Variants in LRP1B observed in about 807,000 individuals in gnomAD.
LRP1B encodes LDL receptor related protein 1B.
Under a neutral mutation model 556.6 loss-of-function variants are expected in LRP1B, and 217 were observed. That is an observed-to-expected ratio of 0.39 (90% confidence interval 0.35 to 0.44). The LOEUF (loss-of-function observed/expected upper bound fraction) is 0.44, where lower values mean the gene tolerates loss of function less well. Ranked by LOEUF, LRP1B falls within the 20% of genes least tolerant of loss-of-function variation. The probability of loss-of-function intolerance (pLI) is 1.00; values close to 1 mark genes in which losing one functional copy is unlikely to be tolerated. For synonymous variants in LRP1B, 2,047 were observed against 1,865.8 expected, an observed-to-expected ratio of 1.10 and a Z score of -2.50; for missense variants, 5,053 against 5,620.8, an observed-to-expected ratio of 0.90 and a Z score of 3.23.
intron 86 of LRP1B, among the ~76,000 whole-genome samples, chr2:140,261,392 G>C (rs1056706263): frequency 1.3e-5 from 2 of 151,854 alleles, no homozygotes; most frequent in Admixed American, 1.3e-4. Context: ...CAAAGAGACA[G>C]TGAGCTTGAA....
At chr2:141,695,238 A>G (rs1691694277) in intron 2 of LRP1B, among the ~76,000 whole-genome samples, 1 of 151,990 alleles carries the variant, frequency 6.6e-6, no homozygotes, top group Non-Finnish European at 1.5e-5. Context: ...GGTGCATAAT[A>G]TATACAAGGC....
At chr2:140,697,981 A>T (rs754401275) in intron 41 of LRP1B, among the ~76,000 whole-genome samples, 8 of 152,094 alleles carry the variant, frequency 5.3e-5, no homozygotes, top group Non-Finnish European at 1.2e-4. Flanking sequence ...TTTAAAAATT[A>T]TAATGAAATA....
chr2:141,214,841 C>T (rs1284613976), intron 6 of LRP1B, among the ~76,000 whole-genome samples: 2 of 152,172 alleles, frequency 1.3e-5, no homozygotes, highest in African/African-American at 2.4e-5. Context: ...TACACTTTAT[C>T]CAGACACAGA....
rs571737878 is a variant in LRP1B, at chr2:140,267,372, C to A, written c.13247+2870G>T. ...TGGTTCCAAGACTTTCCTAGGATAC[C>A]AAAATCCTTAGATGCTCAAGTCCCA... On this transcript the variant is annotated intron_variant, in intron 86 of 90. Transcript: ENST00000389484. 3.8e-3 allele frequency among the ~76,000 whole-genome samples: 583 copies of A among 151,964 alleles called. 3 individuals are homozygous for A. The highest frequency in any genetic ancestry group is 4.3e-3 in the Non-Finnish European group (295 of 67,924).
At chr2:140,726,477 C>T (rs1262954534) in intron 35 of LRP1B, among the ~76,000 whole-genome samples, 1 of 152,132 alleles carries the variant, frequency 6.6e-6, no homozygotes, top group African/African-American at 2.4e-5. Flanking sequence ...TGATTCTCCT[C>T]CACTCCCGAT....
Position 141,802,449 on chromosome 2 carries a change from AAAAC to A in LRP1B, c.205+7826_205+7829del, listed in dbSNP as rs751889535. Among the ~76,000 whole-genome samples, 74 of 152,208 alleles carry A rather than the reference AAAAC, an allele frequency of 4.9e-4. 1 individual carries two copies. The highest frequency in any genetic ancestry group is 1.0e-3 in the South Asian group (5 of 4,828). ...AAGCTAATGTTATGAAGTTTTTAGA[AAAAC>A]AAACAAACAAACAAACAAACAAAAC... is the stretch of plus-strand genomic sequence containing the variant. On this transcript the variant is annotated intron_variant, in intron 2 of 90. Coordinates refer to ENST00000389484, the MANE Select transcript of LRP1B (RefSeq NM_018557.3).
intron 2 of LRP1B, among the ~76,000 whole-genome samples, chr2:141,624,026 A>AG (rs1424249698): frequency 2.4e-5 from 3 of 123,042 alleles, no homozygotes; most frequent in African/African-American, 5.8e-5. Flanking sequence ...AAAAAAAAAA[A>AG]AAAATTAAAC....
chr2:141,198,072 T>A (rs1681828690), intron 6 of LRP1B, among the ~76,000 whole-genome samples: 1 of 152,140 alleles, frequency 6.6e-6, no homozygotes, highest in Non-Finnish European at 1.5e-5. Flanking sequence ...ATCTCTTGAA[T>A]GGTTTAAGTG....
chr2:140,364,952 T>A (rs1361474377), intron 71 of LRP1B, among the ~76,000 whole-genome samples, 169 bp from the exon 72 acceptor site: 1 of 151,484 alleles, frequency 6.6e-6, no homozygotes, highest in Non-Finnish European at 1.5e-5. Flanking sequence ...CAATTTTTTT[T>A]AATAACATGT....
chr2:141,142,864 G>A (rs762739657), intron 7 of LRP1B, among the ~76,000 whole-genome samples: 87 of 151,098 alleles, frequency 5.8e-4, no homozygotes, highest in Non-Finnish European at 2.9e-4. Flanking sequence ...GTTGCACCTC[G>A]AGGCTCCCCA....
intron 74 of LRP1B, among the ~76,000 whole-genome samples, chr2:140,357,490 A>C (rs1682280951): frequency 6.6e-6 from 1 of 151,656 alleles, no homozygotes. Flanking sequence ...AATACCAAGC[A>C]TTAGACACAA....
At chr2:141,360,131 A>T (rs932068436) in intron 3 of LRP1B, among the ~76,000 whole-genome samples, 3 of 152,192 alleles carry the variant, frequency 2.0e-5, no homozygotes, top group African/African-American at 7.2e-5. Flanking sequence ...TCCAGTGAAG[A>T]CCTGTATGGA....
chr2:140,961,370 C>T (rs1696028539), intron 18 of LRP1B, among the ~76,000 whole-genome samples: 1 of 152,016 alleles, frequency 6.6e-6, no homozygotes, highest in South Asian at 2.1e-4. Context: ...GGTCACAAAG[C>T]AGTCGCAATA....
chr2:141,264,978 G>A (rs563878170), intron 3 of LRP1B, among the ~76,000 whole-genome samples: 1 of 152,152 alleles, frequency 6.6e-6, no homozygotes, highest in African/African-American at 2.4e-5. Context: ...TGAACCTAGA[G>A]CAAGCCTAGG....
chr2:141,006,082 G>A (rs1212937643), intron 14 of LRP1B, among the ~76,000 whole-genome samples: 3 of 151,912 alleles, frequency 2.0e-5, no homozygotes, highest in Non-Finnish European at 4.4e-5. Context: ...GGCATGAGAG[G>A]AAATTTATGA....
At chr2:142,116,223 A>AAT (rs1267378189) in intron 1 of LRP1B, among the ~76,000 whole-genome samples, 8,281 of 130,676 alleles carry the variant, frequency 0.063, 385 homozygotes, top group Non-Finnish European at 0.083. Flanking sequence ...AAAGAATGAG[A>AAT]AAGATATCAC....
chr2:141,567,940 G>C (rs1686393406), intron 2 of LRP1B, among the ~76,000 whole-genome samples: 1 of 149,830 alleles, frequency 6.7e-6, no homozygotes, highest in South Asian at 2.1e-4. Context: ...GGAGCAAACG[G>C]TGATTGTCCA....
chr2:140,870,249 T>C (rs945967344), intron 25 of LRP1B, among the ~76,000 whole-genome samples: 18 of 152,230 alleles, frequency 1.2e-4, no homozygotes, highest in African/African-American at 3.8e-4. Context: ...GCAATGTTTG[T>C]TGACTGTGAG....
At chr2:141,537,823 A>T (rs933986741) in intron 2 of LRP1B, among the ~76,000 whole-genome samples, 4 of 152,092 alleles carry the variant, frequency 2.6e-5, no homozygotes, top group Non-Finnish European at 4.4e-5. Context: ...TAGAGTGGGG[A>T]GCGGGATTGT....
Sources: allele counts gnomAD v4.1 joint callset (sites outside exome capture counted in the v4.1 genomes callset), GRCh38; gene constraint gnomAD v4.1.1; transcripts MANE v1.5; gene names NCBI Gene and HGNC (gene_info 2026-07-23, HGNC 2026-07-21).